NDUFA13: variants seen among roughly 807,000 people sequenced by gnomAD.
NDUFA13 encodes NADH:ubiquinone oxidoreductase subunit A13.
In NDUFA13, 16 loss-of-function variants were observed where a neutral mutation model predicts 17.0. The observed-to-expected ratio is 0.94, with a 90% CI of 0.64 to 1.43. The LOEUF (loss-of-function observed/expected upper bound fraction) is 1.43, where lower values mean the gene tolerates loss of function less well. Among genes scored for constraint, NDUFA13 ranks in the 40% most tolerant of loss-of-function variants. The pLI, the probability that NDUFA13 is intolerant of heterozygous loss-of-function variation, is 0.00. For missense variants in NDUFA13, 228 were observed against 206.7 expected, an observed-to-expected ratio of 1.10 and a Z score of -0.63; for synonymous variants, 87 against 78.4, an observed-to-expected ratio of 1.11 and a Z score of -0.58.
In NDUFA13 at chr19:19,518,815, T is replaced by G. The variant is rs1040970234; in HGVS notation, c.94+2483T>G. Among the ~76,000 whole-genome samples the G allele has an allele frequency of 6.5e-4, 92 of 142,006 alleles. 2 individuals carry two copies. Among genetic ancestry groups the G allele is most frequent in the Admixed American group, 7.5e-4 (10 of 13,310 alleles). 93.2% of individuals were successfully genotyped at this position (142,006 alleles called of 152,430 possible). Reference sequence around the variant, plus strand: ...TAGAGTGCAATGGTGCAATCTTGGCTCACCGCAACCTCTGCCTCCCAGGTT... The same window carrying G: ...TAGAGTGCAATGGTGCAATCTTGGCGCACCGCAACCTCTGCCTCCCAGGTT... On this transcript the variant is annotated intron_variant, in intron 1 of 4. Transcript: ENST00000507754.
intron 1 of NDUFA13, among the ~76,000 whole-genome samples, chr19:19,517,531 A>G (rs981567918): frequency 2.2e-4 from 33 of 152,194 alleles, no homozygotes; most frequent in South Asian, 1.5e-3. Context: ...TCTCTTAACA[A>G]ATCAAACTTT....
At position 19,516,251 on chromosome 19, in the gene NDUFA13, A is replaced by G; in HGVS notation, c.13A>G (p.Lys5Glu). The G allele has an allele frequency of 5.0e-6, 8 of 1,614,068 alleles. No individual in the cohort carries two copies. The highest frequency in any genetic ancestry group is 4.4e-5 in the South Asian group (4 of 91,088). ...GGATACTGCGAGTATGGCGGCGTCA[A>G]AGGTGAAGCAGGACATGCCTCCGCC... is the stretch of plus-strand genomic sequence containing the variant. MAAS[K>E]VKQDMPPPGG... The change falls in exon 1 of 5, where the codon AAG becomes GAG. Residue 5 changes from lysine (K) to glutamate (E), a missense_variant. By Grantham distance (56) the Lys-to-Glu change is moderately conservative. Coordinates refer to ENST00000507754, the MANE Select transcript of NDUFA13 (RefSeq NM_015965.7).
chr19:19,527,006 G>T (rs371430130), intron 2 of NDUFA13, among the ~76,000 whole-genome samples: 4 of 152,196 alleles, frequency 2.6e-5, no homozygotes, highest in South Asian at 4.1e-4. Context: ...TTATTTTTAG[G>T]ATAAAAAAAG....
chr19:19,523,184 G>A (rs2061085817), intron 1 of NDUFA13, among the ~76,000 whole-genome samples: 1 of 152,272 alleles, frequency 6.6e-6, no homozygotes, highest in Admixed American at 6.5e-5. Context: ...GGATTCTGAT[G>A]GGGATTGCGT....
intron 1 of NDUFA13, among the ~76,000 whole-genome samples, chr19:19,522,463 T>G (rs1040279805): frequency 6.6e-6 from 1 of 150,516 alleles, no homozygotes; most frequent in African/African-American, 2.5e-5. Flanking sequence ...GCTCTTACGC[T>G]TAGGTCTTTG....
chr19:19,516,418 T>A lies in NDUFA13; in HGVS notation c.94+86T>A, dbSNP rs879654254. ...TCCGGGGACACAGGCGGGCCTCAGT[T>A]TTCCCGGCGGTGTGACCGGAGGCGG... On this transcript the variant is annotated intron_variant, in intron 1 of 4. Transcript: ENST00000507754. 8.9e-6 allele frequency: 13 copies of A among 1,455,982 alleles called. No individual in the cohort carries two copies. The Admixed American group carries it at 1.3e-4, about 14-fold the overall frequency. 90.2% of individuals were successfully genotyped at this position (1,455,982 alleles called of 1,614,324 possible).
chr19:19,516,379 C>T, intron 1 of NDUFA13, 47 bp downstream of exon 1: 1 of 1,599,288 alleles, frequency 6.3e-7, no homozygotes, highest in Non-Finnish European at 8.6e-7. Context: ...GCACTCGGGG[C>T]TCGGGGGCGG....
intron 1 of NDUFA13, among the ~76,000 whole-genome samples, chr19:19,520,959 G>C (rs2144639671): frequency 6.6e-6 from 1 of 152,304 alleles, no homozygotes; most frequent in East Asian, 1.9e-4. Context: ...TGGCTGCTGT[G>C]AATAATGTGA....
intron 2 of NDUFA13, 144 bp from the exon 3 acceptor site, chr19:19,527,137 G>T (rs1324113137): frequency 1.1e-6 from 1 of 912,800 alleles, no homozygotes; most frequent in South Asian, 1.4e-5. Flanking sequence ...TGCCCTTCCC[G>T]CGACCCTCGC....
intron 2 of NDUFA13, among the ~76,000 whole-genome samples, chr19:19,527,025 TGAAAA>T (rs1006687404): frequency 3.3e-5 from 5 of 152,176 alleles, no homozygotes; most frequent in African/African-American, 1.2e-4. Context: ...AGTTTTTAAT[TGAAAA>T]GAAAGTAGAA....
chr19:19,516,682 G>A (rs2061050656), intron 1 of NDUFA13, among the ~76,000 whole-genome samples: 1 of 152,272 alleles, frequency 6.6e-6, no homozygotes, highest in Non-Finnish European at 1.5e-5. Context: ...CAAAGCTGAG[G>A]CCGCAACCCG....
intron 3 of NDUFA13, 168 bp downstream of exon 3, chr19:19,527,520 C>G: frequency 1.0e-6 from 1 of 987,714 alleles, no homozygotes; most frequent in East Asian, 2.6e-5. Flanking sequence ...AGGGGGCGAA[C>G]CGGAAGGCTT....
At position 19,527,316 on chromosome 19, in the gene NDUFA13, C is replaced by T. The variant is rs754252408; in HGVS notation, c.209C>T (p.Ala70Val). 26 of 1,613,876 alleles carry T rather than the reference C, an allele frequency of 1.6e-5. No homozygotes were observed. The highest frequency in any genetic ancestry group is 1.1e-4 in the South Asian group (10 of 91,092). The change falls in exon 3 of 5, where the codon GCG becomes GTG. Residue 70 changes from alanine (A) to valine (V), a missense_variant. Transcript: ENST00000507754. ...ATCGAGGACTTCGAGGCTCGCATCGCGCTGTTGCCACTGTTACAGGCAGAA... is the reference window on the plus strand; with the variant it reads ...ATCGAGGACTTCGAGGCTCGCATCGTGCTGTTGCCACTGTTACAGGCAGAA... ...LQIEDFEARIALLPLLQAETD... is the reference protein window; with the variant it reads ...LQIEDFEARIVLLPLLQAETD...
Position 19,522,253 on chromosome 19 carries a change from C to T in NDUFA13, c.95-3929C>T, listed in dbSNP as rs367811117. On this transcript the variant is annotated intron_variant, in intron 1 of 4. Coordinates refer to ENST00000507754, the MANE Select transcript of NDUFA13 (RefSeq NM_015965.7). Reference sequence around the variant, plus strand: ...CCGGGAGGCGGAGCTTGCAGTGAGCCGAGATTGTGCCACTGCACTTCAGCC... The same window carrying T: ...CCGGGAGGCGGAGCTTGCAGTGAGCTGAGATTGTGCCACTGCACTTCAGCC... Among the ~76,000 whole-genome samples the T allele has an allele frequency of 2.1e-3, 314 of 151,684 alleles. 2 individuals carry two copies. Among genetic ancestry groups the T allele is most frequent in the South Asian group, 0.015 (73 of 4,790 alleles).
intron 1 of NDUFA13, among the ~76,000 whole-genome samples, chr19:19,520,611 CAG>C (rs1421543677): frequency 1.3e-5 from 2 of 152,150 alleles, no homozygotes; most frequent in African/African-American, 2.4e-5. Context: ...GCCTGGGCAA[CAG>C]AGTAAGACTC....
At chr19:19,524,138 T>C (rs1445506229) in intron 1 of NDUFA13, among the ~76,000 whole-genome samples, 5 of 152,040 alleles carry the variant, frequency 3.3e-5, no homozygotes, top group Admixed American at 3.3e-4. Context: ...AAAAGAATGG[T>C]CCACACACCC....
intron 1 of NDUFA13, among the ~76,000 whole-genome samples, chr19:19,523,069 A>G (rs1600347164): frequency 1.3e-5 from 2 of 152,256 alleles, no homozygotes; most frequent in South Asian, 2.1e-4. Context: ...GAGTCTTTCA[A>G]CTTTGTTCTT....
chr19:19,527,644 G>C, intron 3 of NDUFA13, 57 bp from the exon 4 acceptor site: 2 of 1,395,542 alleles, frequency 1.4e-6, no homozygotes, highest in Non-Finnish European at 2.0e-6. Context: ...GGGGCCCTAG[G>C]CAGGGGCCCC....
intron 1 of NDUFA13, among the ~76,000 whole-genome samples, chr19:19,524,555 C>T (rs10419026): frequency 2.3e-4 from 35 of 152,182 alleles, no homozygotes; most frequent in Non-Finnish European, 4.3e-4. Context: ...CACGGTGGCT[C>T]ACGCCTGTAA....
Sources: gnomAD v4.1 joint callset for allele counts (sites outside exome capture counted in the v4.1 genomes callset) on GRCh38, gnomAD v4.1.1 for gene constraint, MANE v1.5 for transcripts, NCBI Gene and HGNC (gene_info 2026-07-23, HGNC 2026-07-21) for gene names.